Variants in ERC2 observed in about 807,000 individuals in gnomAD.
ERC2 encodes the protein ELKS/RAB6-interacting/CAST family member 2, also known as ERC protein 2.
Under a neutral mutation model 114.8 loss-of-function variants are expected in ERC2, and 42 were observed. The observed-to-expected ratio is 0.37, with a 90% CI of 0.29 to 0.47. The LOEUF (loss-of-function observed/expected upper bound fraction) is 0.47. ERC2 is among the 20% of genes least tolerant of loss of function. The probability of loss-of-function intolerance (pLI) is 0.99; values close to 1 mark genes in which losing one functional copy is unlikely to be tolerated. For missense variants in ERC2, 939 were observed against 1,150.7 expected (o/e 0.82, Z 2.66); for synonymous variants, 454 against 425.5 (o/e 1.07, Z -0.82).
intron 2 of ERC2, among the ~76,000 whole-genome samples, chr3:56,314,234 C>T (rs549261979): frequency 8.5e-5 from 13 of 152,186 alleles, no homozygotes; most frequent in African/African-American, 2.4e-4. Context: ...TATAACCTTG[C>T]GGAGGTGGGG....
chr3:56,165,625 C>A (rs1304324023), intron 4 of ERC2, among the ~76,000 whole-genome samples: 1 of 151,706 alleles, frequency 6.6e-6, no homozygotes, highest in Non-Finnish European at 1.5e-5. Context: ...TGTGTTATAC[C>A]TTTTTATTTA....
At chr3:56,262,074 A>G (rs1195074752) in intron 3 of ERC2, among the ~76,000 whole-genome samples, 34 of 152,196 alleles carry the variant, frequency 2.2e-4, no homozygotes, top group Admixed American at 2.2e-3. Flanking sequence ...ATAGTATTCC[A>G]TGGTGTATAT....
intron 14 of ERC2, among the ~76,000 whole-genome samples, chr3:55,868,790 C>A (rs116149851): frequency 6.6e-6 from 1 of 152,122 alleles, no homozygotes; most frequent in African/African-American, 2.4e-5. Context: ...TTTTTAAAAT[C>A]GTATTATTTC....
chr3:56,274,329 T>C (rs147778975), intron 3 of ERC2, among the ~76,000 whole-genome samples: 73 of 152,196 alleles, frequency 4.8e-4, no homozygotes, highest in African/African-American at 1.7e-3. Flanking sequence ...TGTGGAAAAA[T>C]TGTCCTCCAC....
At chr3:56,267,178 T>C (rs1054738072) in intron 3 of ERC2, among the ~76,000 whole-genome samples, 5 of 152,194 alleles carry the variant, frequency 3.3e-5, no homozygotes, top group African/African-American at 1.2e-4. Context: ...GAACATCATG[T>C]CAGCACTTTA....
At chr3:55,981,028 A>G (rs542205667) in intron 12 of ERC2, among the ~76,000 whole-genome samples, 2 of 152,336 alleles carry the variant, frequency 1.3e-5, no homozygotes, top group Admixed American at 1.3e-4. Context: ...TAGTTCTATA[A>G]ATCGGAGCTG....
intron 14 of ERC2, among the ~76,000 whole-genome samples, chr3:55,832,796 G>A (rs1418987913): frequency 3.9e-5 from 6 of 152,138 alleles, no homozygotes; most frequent in African/African-American, 9.7e-5. Context: ...GGCCTCAGAC[G>A]ATCAAACTAC....
chr3:55,664,226 C>T (rs2061262523), intron 17 of ERC2, among the ~76,000 whole-genome samples: 1 of 152,142 alleles, frequency 6.6e-6, no homozygotes, highest in African/African-American at 2.4e-5. Context: ...TCCACCCAGA[C>T]CTAATGGAAT....
intron 17 of ERC2, among the ~76,000 whole-genome samples, chr3:55,660,710 C>T (rs1152111): frequency 0.94 from 142,542 of 152,232 alleles, 66,797 homozygotes; most frequent in East Asian, 1. Flanking sequence ...CTGTGAAGTA[C>T]AGCACTTATG....
chr3:55,549,742 G>GA (rs1440869646), intron 17 of ERC2, among the ~76,000 whole-genome samples: 1 of 151,908 alleles, frequency 6.6e-6, no homozygotes, highest in Non-Finnish European at 1.5e-5. Context: ...GCTTTCAAAA[G>GA]ATGAACTTTC....
intron 14 of ERC2, among the ~76,000 whole-genome samples, chr3:55,773,336 C>A (rs548090972): frequency 2.0e-4 from 31 of 152,182 alleles, no homozygotes; most frequent in Non-Finnish European, 3.7e-4. Context: ...TTTCCTTACT[C>A]CTTCCAAACT....
At chr3:56,242,078 C>A (rs1374884652) in intron 3 of ERC2, among the ~76,000 whole-genome samples, 1 of 152,154 alleles carries the variant, frequency 6.6e-6, no homozygotes, top group Non-Finnish European at 1.5e-5. Context: ...AACCTAAATG[C>A]CCATCAACCA....
At chr3:56,120,686 T>C (rs2079524693) in intron 6 of ERC2, among the ~76,000 whole-genome samples, 1 of 152,222 alleles carries the variant, frequency 6.6e-6, no homozygotes, top group East Asian at 1.9e-4. Context: ...TCTGATATAG[T>C]ATCCTGTGAT....
intron 7 of ERC2, among the ~76,000 whole-genome samples, chr3:56,047,245 G>A (rs2075521497): frequency 6.6e-6 from 1 of 152,082 alleles, no homozygotes; most frequent in South Asian, 2.1e-4. Context: ...TCAATGTTTC[G>A]GGATGGCCAT....
chr3:55,632,490 T>G lies in ERC2; in HGVS notation c.*39+51304A>C, dbSNP rs554591925. On this transcript the variant is annotated intron_variant, in intron 17 of 17. Coordinates refer to ENST00000288221, the MANE Select transcript of ERC2 (RefSeq NM_015576.3). ...AGATGGAGACAAGGAGGCAAGGACT[T>G]TTGCCCCCAATATCCAGCTCTCTAT... Among the ~76,000 whole-genome samples, 3 of 152,272 alleles carry G rather than the reference T, an allele frequency of 2.0e-5. No individual in the cohort carries two copies. The East Asian group carries it at 5.8e-4, about 29-fold the overall frequency.
In ERC2 at chr3:56,032,983, GAAAGAAAGAAAGAA is replaced by G. The variant is rs1560057491; in HGVS notation, c.1642-13966_1642-13953del. On this transcript the variant is annotated intron_variant, in intron 7 of 17. Transcript: ENST00000288221. ...ACAGAAAGAAAGAAAGAAAGAGAAA[GAAAGAAAGAAAGAA>G]AGAAAGAAAGAAAGAAAGAAAGAAA... 6.2e-4 allele frequency among the ~76,000 whole-genome samples: 50 copies of G among 81,142 alleles called. 1 individual carries two copies. Among genetic ancestry groups the G allele is most frequent in the African/African-American group, 1.7e-3 (40 of 23,848 alleles). The allele number at this position is 81,142 out of a possible 152,430, so 53.2% of individuals were successfully genotyped here. A position where few individuals can be genotyped will look rare whatever the true frequency, so the allele number is the denominator to read the frequency against.
In ERC2 at chr3:55,791,223, G is replaced by A. The variant is rs543305941; in HGVS notation, c.2565-56305C>T. Among the ~76,000 whole-genome samples, 11 of 152,304 alleles carry A rather than the reference G, an allele frequency of 7.2e-5. No individual in the cohort carries two copies. The South Asian group carries it at 1.2e-3, about 17-fold the overall frequency. On this transcript the variant is annotated intron_variant, in intron 14 of 17. Transcript: ENST00000288221. ...CTGGGTAAACAGTTAATTCCACTTG[G>A]AGAGCCTTTAGAGGCAGAGATCTCT...
chr3:56,175,235 A>G (rs1164217241), intron 3 of ERC2, among the ~76,000 whole-genome samples: 1 of 152,214 alleles, frequency 6.6e-6, no homozygotes, highest in Non-Finnish European at 1.5e-5. Flanking sequence ...TTTCTTCTCC[A>G]ACTCATCACT....
At chr3:56,364,034 C>T (rs916711339) in intron 2 of ERC2, among the ~76,000 whole-genome samples, 2 of 152,178 alleles carry the variant, frequency 1.3e-5, no homozygotes, top group South Asian at 2.1e-4. Flanking sequence ...GCTCCGTGGC[C>T]TAGCCTCTGC....
Sources: gnomAD v4.1 joint callset for allele counts (sites outside exome capture counted in the v4.1 genomes callset) on GRCh38, gnomAD v4.1.1 for gene constraint, MANE v1.5 for transcripts, NCBI Gene and HGNC (gene_info 2026-07-23, HGNC 2026-07-21) for gene names.